The following KLF12 variants were observed in gnomAD, a reference collection of about 807,000 sequenced individuals.
KLF12 encodes the protein KLF transcription factor 12.
Under a neutral mutation model 37.8 loss-of-function variants are expected in KLF12, and 9 were observed. That is an observed-to-expected ratio of 0.24 (90% CI 0.14 to 0.42). The LOEUF (loss-of-function observed/expected upper bound fraction) is 0.42, where lower values mean the gene tolerates loss of function less well. KLF12 is among the 10% of genes least tolerant of loss of function. The pLI, the probability that KLF12 is intolerant of heterozygous loss-of-function variation, is 1.00. For synonymous variants in KLF12, 208 were observed against 202.1 expected, an observed-to-expected ratio of 1.03 and a Z score of -0.25; for missense variants, 411 against 516.0, an observed-to-expected ratio of 0.80 and a Z score of 1.97.
chr13:73,734,883 C>A (rs1168779230), intron 6 of KLF12, among the ~76,000 whole-genome samples: 1 of 152,134 alleles, frequency 6.6e-6, no homozygotes, highest in Non-Finnish European at 1.5e-5. Context: ...GAATTCCAAT[C>A]AGGCACTGTC....
At chr13:73,962,052 C>G in intron 2 of KLF12, 1 of 452,948 alleles carries the variant, frequency 2.2e-6, no homozygotes, top group Non-Finnish European at 4.4e-6. Context: ...TATTCATAAT[C>G]CCCAAGGCTT....
At chr13:73,904,916 T>C (rs1392797591) in intron 3 of KLF12, among the ~76,000 whole-genome samples, 1 of 151,318 alleles carries the variant, frequency 6.6e-6, no homozygotes, top group East Asian at 1.9e-4. Flanking sequence ...TAAAAAATCC[T>C]GTGCTTTAAC....
At chr13:74,020,893 A>G (rs1892825909) in intron 1 of KLF12, among the ~76,000 whole-genome samples, 1 of 151,162 alleles carries the variant, frequency 6.6e-6, no homozygotes, top group Admixed American at 6.6e-5. Flanking sequence ...TCCGTCTCAA[A>G]AAAAAAAAAA....
intron 2 of KLF12, among the ~76,000 whole-genome samples, chr13:73,984,297 C>G (rs987604435): frequency 2.6e-5 from 4 of 152,338 alleles, no homozygotes; most frequent in African/African-American, 9.6e-5. Context: ...CCGCATGCAT[C>G]TCACACTGGG....
At chr13:74,042,767 T>C (rs1893441843) in intron 1 of KLF12, among the ~76,000 whole-genome samples, 1 of 152,212 alleles carries the variant, frequency 6.6e-6, no homozygotes, top group Non-Finnish European at 1.5e-5. Flanking sequence ...ATCAGACAGA[T>C]AAGATCTATG....
chr13:73,714,730 G>T (rs1053123118), intron 7 of KLF12, among the ~76,000 whole-genome samples: 13 of 152,326 alleles, frequency 8.5e-5, no homozygotes, highest in Admixed American at 3.3e-4. Context: ...GGGGTGGGCA[G>T]GGGCTAAGTG....
At chr13:74,034,284 G>C (rs1192614842) in intron 1 of KLF12, among the ~76,000 whole-genome samples, 1 of 151,996 alleles carries the variant, frequency 6.6e-6, no homozygotes, top group Non-Finnish European at 1.5e-5. Context: ...GGCCAGGCTG[G>C]TCTTGAACTC....
At chr13:74,272,152 A>G in the KLF12 span, among the ~76,000 whole-genome samples, 3 of 152,206 alleles carry the variant, frequency 2.0e-5, no homozygotes, top group African/African-American at 7.2e-5. Flanking sequence ...CTAAAGTGCT[A>G]CTTATAATTA....
chr13:74,245,305 C>G, the KLF12 span, among the ~76,000 whole-genome samples: 1,352 of 141,650 alleles, frequency 9.5e-3, 24 homozygotes, highest in African/African-American at 0.034. Flanking sequence ...ATCTATCTAT[C>G]TATCTATCTA....
rs565253212 is a variant in KLF12 at position 73,715,911 on chromosome 13, A to T, written c.870-386T>A. 3.0e-4 allele frequency among the ~76,000 whole-genome samples: 45 copies of T among 152,342 alleles called. 2 individuals are homozygous for T. The South Asian group carries it at 5.6e-3, about 19-fold the overall frequency. On this transcript the variant is annotated intron_variant, in intron 6 of 7. Coordinates refer to ENST00000377669, the MANE Select transcript of KLF12 (RefSeq NM_007249.5). The stretch of plus-strand genomic sequence containing the variant: ...AATATTTTAAGAAGGCTTGCTATAG[A>T]CAAATGACAAAATGATACATTTAAT...
chr13:73,815,694 C>T (rs1429828934), intron 4 of KLF12, among the ~76,000 whole-genome samples: 1 of 152,102 alleles, frequency 6.6e-6, no homozygotes, highest in Non-Finnish European at 1.5e-5. Context: ...CACTACGATG[C>T]CTTTGCCAAG....
intron 3 of KLF12, among the ~76,000 whole-genome samples, chr13:73,922,129 A>G (rs1889144485): frequency 6.6e-6 from 1 of 152,040 alleles, no homozygotes; most frequent in Non-Finnish European, 1.5e-5. Flanking sequence ...TCTAGTTTCA[A>G]TGAAACTATT....
chr13:74,132,745 G>A (rs897851577), intron 1 of KLF12, among the ~76,000 whole-genome samples: 2 of 152,176 alleles, frequency 1.3e-5, no homozygotes, highest in Non-Finnish European at 2.9e-5. Context: ...ATATAACAAA[G>A]GAATTGGTAC....
At chr13:74,067,369 C>T (rs184440672) in intron 1 of KLF12, among the ~76,000 whole-genome samples, 1 of 152,236 alleles carries the variant, frequency 6.6e-6, no homozygotes, top group East Asian at 1.9e-4. Flanking sequence ...CAAACAATTA[C>T]CAACTTAAGG....
intron 2 of KLF12, among the ~76,000 whole-genome samples, chr13:73,960,591 T>C (rs1021598564): frequency 3.3e-5 from 5 of 152,148 alleles, no homozygotes; most frequent in African/African-American, 1.2e-4. Context: ...AATGTGCACA[T>C]ACATACAAAC....
intron 4 of KLF12, among the ~76,000 whole-genome samples, chr13:73,836,776 T>G (rs969047732): frequency 8.5e-5 from 13 of 152,182 alleles, no homozygotes; most frequent in African/African-American, 3.1e-4. Flanking sequence ...TACTAAATAT[T>G]ATCAGAGAAA....
chr13:73,710,729 CT>C (rs368213039), intron 7 of KLF12, among the ~76,000 whole-genome samples: 3 of 120,892 alleles, frequency 2.5e-5, no homozygotes, highest in African/African-American at 7.5e-5. Flanking sequence ...TTGAGCCCCC[CT>C]ATTCCTTGAG....
intron 1 of KLF12, among the ~76,000 whole-genome samples, chr13:74,132,028 G>C (rs577345150): frequency 6.6e-6 from 1 of 151,974 alleles, no homozygotes; most frequent in Non-Finnish European, 1.5e-5. Context: ...TAACCTAAAA[G>C]TATACTCCTT....
At chr13:74,297,828 C>G in the KLF12 span, among the ~76,000 whole-genome samples, 1 of 152,122 alleles carries the variant, frequency 6.6e-6, no homozygotes, top group African/African-American at 2.4e-5. Flanking sequence ...AACTTGAAAT[C>G]TTGTATTTTC....
Sources: allele counts gnomAD v4.1 joint callset (sites outside exome capture counted in the v4.1 genomes callset), GRCh38; gene constraint gnomAD v4.1.1; transcripts MANE v1.5; gene names NCBI Gene and HGNC (gene_info 2026-07-23, HGNC 2026-07-21).